TMEM263: variants seen among roughly 807,000 people sequenced by gnomAD.
The protein encoded by TMEM263 is UPF0444 transmembrane protein C12orf23.
A neutral mutation model predicts 8.6 loss-of-function variants in TMEM263; 5 were observed. The ratio of observed to expected loss-of-function variants is 0.58; its 90% confidence interval spans 0.31 to 1.23. The LOEUF (loss-of-function observed/expected upper bound fraction) is 1.23. Among genes scored for constraint, TMEM263 ranks in the 50% most tolerant of loss-of-function variants. TMEM263 has a pLI of 0.07. For synonymous variants in TMEM263, 50 were observed against 47.9 expected, an observed-to-expected ratio of 1.04 and a Z score of -0.18; for missense variants, 104 against 138.8, an observed-to-expected ratio of 0.75 and a Z score of 1.26.
chr12:106,967,302 A>G (rs1174783584), intron 3 of TMEM263, 122 bp downstream of exon 3: 1 of 632,032 alleles, frequency 1.6e-6, no homozygotes, highest in Non-Finnish European at 2.5e-6. Context: ...CTGTCAACCC[A>G]GGCTGGAGTG....
intron 2 of TMEM263, among the ~76,000 whole-genome samples, chr12:106,960,905 T>C (rs1370121727): frequency 6.6e-6 from 1 of 152,224 alleles, no homozygotes; most frequent in Non-Finnish European, 1.5e-5. Flanking sequence ...AAAGCATGTC[T>C]CTAGCTTAGA....
At chr12:106,967,210 GA>G (rs1329652864) in intron 3 of TMEM263, 30 bp downstream of exon 3, 2 of 1,256,382 alleles carry the variant, frequency 1.6e-6, no homozygotes, top group Non-Finnish European at 2.3e-6. Flanking sequence ...ACTAAGAATG[GA>G]AAAATATACT....
chr12:106,957,044 T>G, intron 1 of TMEM263, 38 bp from the exon 2 acceptor site: 1 of 971,832 alleles, frequency 1.0e-6, no homozygotes, highest in Non-Finnish European at 1.2e-6. Context: ...ATGAAAATAT[T>G]TGCTATATGT....
At chr12:106,957,783 G>A (rs1951720962) in intron 2 of TMEM263, among the ~76,000 whole-genome samples, 1 of 152,148 alleles carries the variant, frequency 6.6e-6, no homozygotes, top group Admixed American at 6.5e-5. Flanking sequence ...GTCTAAGTGG[G>A]CACTTACAAG....
chr12:106,963,322 C>G (rs1256311916), intron 2 of TMEM263, among the ~76,000 whole-genome samples: 1 of 152,142 alleles, frequency 6.6e-6, no homozygotes, highest in Non-Finnish European at 1.5e-5. Flanking sequence ...CTCGGAGACC[C>G]ATTCAGAGAT....
chr12:106,973,064 C>T lies in TMEM263; in HGVS notation c.*1673C>T, dbSNP rs958580247. 32 of 151,852 alleles carry T rather than the reference C, an allele frequency of 2.1e-4. No individual in the cohort carries two copies. Among genetic ancestry groups the T allele is most frequent in the African/African-American group, 7.0e-4 (29 of 41,348 alleles). The allele number at this position is 151,852 out of a possible 1,614,324, so 9.4% of individuals were successfully genotyped here. ...TAACTTTTAAAAGCTTTCATAAATACCAGCAGCAATTGTAAGCAAATCTAC... is the reference window on the plus strand; with the variant it reads ...TAACTTTTAAAAGCTTTCATAAATATCAGCAGCAATTGTAAGCAAATCTAC... On this transcript the variant is annotated 3_prime_UTR_variant, in exon 4 of 4. Coordinates refer to ENST00000280756, the MANE Select transcript of TMEM263 (RefSeq NM_152261.4).
intron 2 of TMEM263, among the ~76,000 whole-genome samples, chr12:106,958,225 G>A (rs947116923): frequency 1.2e-4 from 18 of 152,066 alleles, no homozygotes; most frequent in African/African-American, 4.3e-4. Flanking sequence ...TTTATATAAC[G>A]TGTTAGTGTT....
At chr12:106,956,157 T>G (rs1450927237) in intron 1 of TMEM263, 92 bp downstream of exon 1, 2 of 637,440 alleles carry the variant, frequency 3.1e-6, no homozygotes, top group Non-Finnish European at 3.9e-6. Flanking sequence ...GCCCCTCACC[T>G]CCCAGTGCCC....
intron 3 of TMEM263, among the ~76,000 whole-genome samples, chr12:106,970,884 TCTC>T (rs2136778335): frequency 1.3e-5 from 2 of 152,366 alleles, no homozygotes; most frequent in South Asian, 4.1e-4. Context: ...AAGCATTTCT[TCTC>T]ATAGATACTA....
intron 2 of TMEM263, among the ~76,000 whole-genome samples, chr12:106,962,097 A>G (rs1951784311): frequency 6.6e-6 from 1 of 152,132 alleles, no homozygotes; most frequent in South Asian, 2.1e-4. Flanking sequence ...AACTATGCAT[A>G]TTTCTATGTG....
chr12:106,963,376 A>G (rs578209989), intron 2 of TMEM263, among the ~76,000 whole-genome samples: 1 of 152,330 alleles, frequency 6.6e-6, no homozygotes, highest in African/African-American at 2.4e-5. Context: ...TTAAAGTGGT[A>G]ACAGTAGAGG....
chr12:106,961,706 A>G (rs1241844924), intron 2 of TMEM263, among the ~76,000 whole-genome samples: 3 of 152,204 alleles, frequency 2.0e-5, no homozygotes, highest in East Asian at 1.9e-4. Context: ...CTAAATAGTT[A>G]CCTCTGAAGA....
At chr12:106,966,907 A>T in intron 2 of TMEM263, 1 of 474,732 alleles carries the variant, frequency 2.1e-6, no homozygotes, top group South Asian at 2.8e-5. Flanking sequence ...CATAAGATTT[A>T]TATTGTCTAC....
chr12:106,958,130 A>G (rs749066219), intron 2 of TMEM263, among the ~76,000 whole-genome samples: 1 of 152,188 alleles, frequency 6.6e-6, no homozygotes, highest in Non-Finnish European at 1.5e-5. Context: ...TTTCTATTAT[A>G]GGGAAATTGG....
rs1951919281 is a variant in TMEM263, at chr12:106,971,345, T to C, written c.305T>C (p.Val102Ala). The change falls in exon 4 of 4, where the codon GTA (valine) becomes GCA (alanine). Residue 102 changes from valine to alanine, a missense_variant. Transcript: ENST00000280756. Reference protein sequence around the residue: ...GGVTAVGSAVVNKVPLTGKKK... With the variant: ...GGVTAVGSAVANKVPLTGKKK... Reference sequence around the variant, plus strand: ...GTTACAGCTGTTGGGTCTGCTGTTGTAAACAAAGTGCCCTTAACAGGAAAG... The same window carrying C: ...GTTACAGCTGTTGGGTCTGCTGTTGCAAACAAAGTGCCCTTAACAGGAAAG... 1 of 1,613,650 alleles carries C rather than the reference T, an allele frequency of 6.2e-7. No homozygotes were observed.
intron 2 of TMEM263, among the ~76,000 whole-genome samples, chr12:106,965,210 C>T (rs553178822): frequency 6.6e-5 from 10 of 152,256 alleles, no homozygotes; most frequent in African/African-American, 1.9e-4. Flanking sequence ...TTTCTTCTTC[C>T]GCAAAGACTC....
At chr12:106,956,996 T>G (rs1416800284) in intron 1 of TMEM263, 86 bp from the exon 2 acceptor site, 6 of 852,750 alleles carry the variant, frequency 7.0e-6, no homozygotes, top group Admixed American at 6.2e-5. Flanking sequence ...GTTCTTAATT[T>G]GATTTTTGCG....
chr12:106,965,809 A>G (rs1593467773), intron 2 of TMEM263, among the ~76,000 whole-genome samples: 1 of 151,732 alleles, frequency 6.6e-6, no homozygotes, highest in South Asian at 2.1e-4. Flanking sequence ...ATATATATAT[A>G]TTTTATAGTA....
Position 106,956,037 on chromosome 12 carries a change from C to A in TMEM263, c.-103C>A, listed in dbSNP as rs1951683460. 1 of 985,652 alleles carries A rather than the reference C, an allele frequency of 1.0e-6. No homozygotes were observed. The highest frequency in any genetic ancestry group is 1.2e-6 in the Non-Finnish European group (1 of 830,232). The allele number at this position is 985,652 out of a possible 1,614,324, so 61.1% of individuals were successfully genotyped here. On this transcript the variant is annotated 5_prime_UTR_variant, in exon 1 of 4. Coordinates refer to ENST00000280756, the MANE Select transcript of TMEM263 (RefSeq NM_152261.4). ...CCGGCCCGCTCACTCCGCCCGGCCC[C>A]AGCCCTAGCGCTGGCCGCGACCCCG...
Sources: allele counts gnomAD v4.1 joint callset (sites outside exome capture counted in the v4.1 genomes callset), GRCh38; gene constraint gnomAD v4.1.1; transcripts MANE v1.5; gene names NCBI Gene and HGNC (gene_info 2026-07-23, HGNC 2026-07-21).